Variants in PCSK5 observed in about 807,000 individuals in gnomAD.
PCSK5 encodes prohormone convertase 5.
A neutral mutation model predicts 233.2 loss-of-function variants in PCSK5; 129 were observed. The observed-to-expected ratio is 0.55, with a 90% CI of 0.48 to 0.64. The LOEUF (loss-of-function observed/expected upper bound fraction) is 0.64, where lower values mean the gene tolerates loss of function less well. PCSK5 is among the 30% of genes least tolerant of loss of function. The pLI is 0.00. For missense variants in PCSK5, 2,076 were observed against 2,430.1 expected (o/e 0.85, Z 3.06); for synonymous variants, 825 against 879.2 (o/e 0.94, Z 1.09).
chr9:75,911,986 T>C (rs1042326652), intron 1 of PCSK5, among the ~76,000 whole-genome samples: 4 of 152,152 alleles, frequency 2.6e-5, no homozygotes, highest in African/African-American at 7.2e-5. Context: ...GGTCGTATTT[T>C]GCAGTCTATC....
chr9:76,173,378 C>G (rs1331390), intron 13 of PCSK5, among the ~76,000 whole-genome samples: 1 of 151,790 alleles, frequency 6.6e-6, no homozygotes, highest in African/African-American at 2.4e-5. Context: ...GAGGGGCATT[C>G]TACCTTCCTA....
At chr9:75,978,946 C>T (rs1483644611) in intron 2 of PCSK5, among the ~76,000 whole-genome samples, 2 of 148,652 alleles carry the variant, frequency 1.3e-5, no homozygotes, top group South Asian at 4.3e-4. Context: ...AATCTTGGCT[C>T]ACCGCAACCT....
intron 1 of PCSK5, among the ~76,000 whole-genome samples, chr9:75,918,262 G>A (rs1010048886): frequency 2.0e-5 from 3 of 152,186 alleles, no homozygotes; most frequent in Admixed American, 6.5e-5. Context: ...CAGGATAGAC[G>A]ATAATGTGCT....
intron 7 of PCSK5, among the ~76,000 whole-genome samples, chr9:76,089,827 A>G (rs927562915): frequency 1.3e-5 from 2 of 152,222 alleles, no homozygotes; most frequent in Non-Finnish European, 2.9e-5. Context: ...TTAATTGGTA[A>G]TCCAGCATAA....
chr9:76,043,007 T>C (rs982447363), intron 5 of PCSK5, among the ~76,000 whole-genome samples: 3 of 152,080 alleles, frequency 2.0e-5, no homozygotes, highest in Non-Finnish European at 2.9e-5. Context: ...AGATTTTCCA[T>C]TGCTAAAGGA....
chr9:76,200,812 T>A (rs1824882510), intron 20 of PCSK5, among the ~76,000 whole-genome samples: 1 of 151,956 alleles, frequency 6.6e-6, no homozygotes, highest in Non-Finnish European at 1.5e-5. Context: ...GAGAGATGAG[T>A]GGGGTCAACC....
intron 5 of PCSK5, among the ~76,000 whole-genome samples, chr9:76,046,787 C>G (rs1829427392): frequency 6.6e-6 from 1 of 151,324 alleles, no homozygotes; most frequent in Non-Finnish European, 1.5e-5. Context: ...GTCTCCATCT[C>G]CTGACTTCAT....
At chr9:75,963,426 C>A (rs1034861605) in intron 2 of PCSK5, among the ~76,000 whole-genome samples, 3 of 152,216 alleles carry the variant, frequency 2.0e-5, no homozygotes, top group Admixed American at 6.5e-5. Flanking sequence ...GGCATCTTCA[C>A]CTGAATCATT....
intron 10 of PCSK5, among the ~76,000 whole-genome samples, chr9:76,135,992 A>G (rs1822956640): frequency 6.6e-6 from 1 of 152,078 alleles, no homozygotes. Context: ...ACCTGAATCT[A>G]AAGGGGTTTG....
At chr9:76,197,259 T>C (rs7859546) in intron 20 of PCSK5, among the ~76,000 whole-genome samples, 14,890 of 152,232 alleles carry the variant, frequency 0.098, 1,559 homozygotes, top group African/African-American at 0.27. Context: ...GGATAGTGTG[T>C]CCATTCTGAA....
At chr9:76,293,243 G>T (rs769979647) in intron 25 of PCSK5, among the ~76,000 whole-genome samples, 5 of 152,204 alleles carry the variant, frequency 3.3e-5, no homozygotes, top group African/African-American at 4.8e-5. Flanking sequence ...TTGAAATGTG[G>T]TAATAGGTAA....
intron 7 of PCSK5, among the ~76,000 whole-genome samples, chr9:76,088,597 T>G (rs772626127): frequency 1.3e-5 from 2 of 152,174 alleles, no homozygotes; most frequent in African/African-American, 4.8e-5. Context: ...ATGGATGATC[T>G]TATTCCCTGA....
intron 1 of PCSK5, among the ~76,000 whole-genome samples, chr9:75,903,773 G>A (rs1826155844): frequency 6.6e-6 from 1 of 151,470 alleles, no homozygotes. Flanking sequence ...TCTGGTGGGA[G>A]ATCCTCAACC....
In PCSK5 at chr9:76,321,517, G is replaced by A; in HGVS notation, c.3980G>A (p.Gly1327Asp). 1 of 1,612,440 alleles carries A rather than the reference G, an allele frequency of 6.2e-7. No homozygotes were observed. The highest frequency in any genetic ancestry group is 8.5e-7 in the Non-Finnish European group (1 of 1,179,492). ...NATNCHSCEG[G>D]HVLHHGVCQE... is the part of the protein sequence containing the mutation. ...ACCAACTGCCATTCTTGTGAAGGAG[G>A]CCACGTCCTGCACCACGGAGTGTGC... Residue 1327 changes from glycine (G) to aspartate (D), a missense_variant, in exon 31 of 38, where the codon GGC becomes GAC. Physicochemically the swap from Gly to Asp is moderately conservative, Grantham distance 94 (BLOSUM62 -1). Transcript: ENST00000674117.
chr9:76,248,125 G>A (rs769663628), intron 24 of PCSK5, among the ~76,000 whole-genome samples: 5 of 151,752 alleles, frequency 3.3e-5, no homozygotes, highest in Non-Finnish European at 5.9e-5. Context: ...AGATGGGGTC[G>A]CACTATACTT....
chr9:76,235,110 T>C (rs1426998901), intron 22 of PCSK5, among the ~76,000 whole-genome samples: 2 of 152,222 alleles, frequency 1.3e-5, no homozygotes, highest in African/African-American at 4.8e-5. Flanking sequence ...TGCTGTATTT[T>C]AAGCATCAGC....
chr9:75,982,086 A>G (rs541256843), intron 2 of PCSK5, among the ~76,000 whole-genome samples: 1 of 152,314 alleles, frequency 6.6e-6, no homozygotes, highest in South Asian at 2.1e-4. Context: ...CCTTTAAACC[A>G]TTTGTAACTT....
intron 7 of PCSK5, among the ~76,000 whole-genome samples, chr9:76,087,036 T>C (rs369610444): frequency 6.6e-6 from 1 of 152,242 alleles, no homozygotes; most frequent in Non-Finnish European, 1.5e-5. Flanking sequence ...TCTTTCTCCA[T>C]GTAAGACTGA....
At chr9:76,070,523 A>C (rs1331480257) in intron 6 of PCSK5, among the ~76,000 whole-genome samples, 2 of 152,208 alleles carry the variant, frequency 1.3e-5, no homozygotes, top group African/African-American at 4.8e-5. Context: ...TTTAAAGGAT[A>C]AAGGGTCACA....
Sources: gnomAD v4.1 joint callset for allele counts (sites outside exome capture counted in the v4.1 genomes callset) on GRCh38, gnomAD v4.1.1 for gene constraint, MANE v1.5 for transcripts, NCBI Gene and HGNC (gene_info 2026-07-23, HGNC 2026-07-21) for gene names.